The following SMARCA4 variants were observed in gnomAD, a reference collection of about 807,000 sequenced individuals.
The protein encoded by SMARCA4 is SWI/SNF related BAF chromatin remodeling complex subunit ATPase 4.
SMARCA4 carries 31 observed loss-of-function variants against 193.9 expected under a neutral mutation model. That is an observed-to-expected ratio of 0.16 (90% CI 0.12 to 0.22). The LOEUF (loss-of-function observed/expected upper bound fraction) is 0.22. Ranked by LOEUF, SMARCA4 falls within the 10% of genes least tolerant of loss-of-function variation. SMARCA4 has a pLI of 1.00. For synonymous variants in SMARCA4, 942 were observed against 933.1 expected, an observed-to-expected ratio of 1.01 and a Z score of -0.17; for missense variants, 1,148 against 2,296.0, an observed-to-expected ratio of 0.50 and a Z score of 10.22.
chr19:10,975,047 G>C (rs555327324), intron 1 of SMARCA4, among the ~76,000 whole-genome samples: 40 of 141,146 alleles, frequency 2.8e-4, no homozygotes, highest in South Asian at 6.9e-4. Context: ...TTTGAGACAG[G>C]GTCTCTGTCG....
intron 30 of SMARCA4, among the ~76,000 whole-genome samples, chr19:11,055,221 ACT>A (rs963082993): frequency 9.2e-5 from 14 of 151,834 alleles, no homozygotes; most frequent in African/African-American, 2.9e-4. Context: ...ACAGAGTCTC[ACT>A]CTGTCGCCCA....
chr19:11,026,544 G>T (rs899705558), intron 23 of SMARCA4, among the ~76,000 whole-genome samples, 198 bp downstream of exon 23: 13 of 143,716 alleles, frequency 9.0e-5, no homozygotes, highest in African/African-American at 7.7e-5. Flanking sequence ...TTGTTGCCCA[G>T]GCTGGAGTGC....
At chr19:10,989,788 G>A (rs1355041877) in intron 7 of SMARCA4, among the ~76,000 whole-genome samples, 1 of 148,552 alleles carries the variant, frequency 6.7e-6, no homozygotes, top group African/African-American at 2.5e-5. Context: ...TGCAACCAAC[G>A]CCTCCTGGGA....
At position 11,035,150 on chromosome 19, in the gene SMARCA4, C is replaced by T. The variant is rs768191285; in HGVS notation, c.4170+18C>T. 2.1e-5 allele frequency: 33 copies of T among 1,602,582 alleles called. No homozygotes were observed. The highest frequency in any genetic ancestry group is 1.2e-4 in the African/African-American group (9 of 74,648). On this transcript the variant is annotated intron_variant, in intron 29 of 34. Transcript: ENST00000344626. ...GGCTCAAGGTACATGCTGGAGAGGCCCAGCAGCTGCCGCAGGCCAGCGCCA... is the reference window on the plus strand; with the variant it reads ...GGCTCAAGGTACATGCTGGAGAGGCTCAGCAGCTGCCGCAGGCCAGCGCCA...
intron 1 of SMARCA4, among the ~76,000 whole-genome samples, chr19:10,972,339 A>T (rs1283743428): frequency 6.6e-6 from 1 of 150,678 alleles, no homozygotes; most frequent in African/African-American, 2.4e-5. Context: ...CAGGTGATCC[A>T]CCTGCCTCGG....
chr19:10,995,934 G>A, intron 9 of SMARCA4: 1 of 507,362 alleles, frequency 2.0e-6, no homozygotes, highest in Non-Finnish European at 3.7e-6. Flanking sequence ...CGGGTTTGGG[G>A]TGTATTTCGT....
intron 30 of SMARCA4, among the ~76,000 whole-genome samples, chr19:11,051,718 T>C (rs1017644732): frequency 6.6e-6 from 1 of 152,062 alleles, no homozygotes; most frequent in East Asian, 2.0e-4. Context: ...CTCGATCTCT[T>C]GACCTCATGA....
chr19:11,037,648 C>T (rs960832543), intron 29 of SMARCA4, among the ~76,000 whole-genome samples: 2 of 152,176 alleles, frequency 1.3e-5, no homozygotes, highest in Non-Finnish European at 2.9e-5. Context: ...TACTTACAGT[C>T]GATTTTTCTT....
rs2145776403 is a variant in SMARCA4, at chr19:10,986,339, C to T, written c.506C>T (p.Pro169Leu). 6.2e-7 allele frequency: 1 copy of T among 1,613,186 alleles called. No individual in the cohort carries two copies. The highest frequency in any genetic ancestry group is 8.5e-7 in the Non-Finnish European group (1 of 1,179,832). Residue 169 changes from proline (P) to leucine (L), a missense_variant, in exon 4 of 35, where the codon CCA becomes CTA. Pro to Leu is a moderately conservative substitution (Grantham distance 98). This residue lies in a region of SMARCA4 where 201 missense variants were observed against 248.3 expected (regional missense o/e 0.81). Coordinates refer to ENST00000344626, the MANE Select transcript of SMARCA4 (RefSeq NM_003072.5). The surrounding 1 kb of genome is among the most constrained non-coding windows in gnomAD (Gnocchi z 6.7). Reference sequence around the variant, plus strand: ...GCCTTGGGGCAGCAGAACCGGGGCCCAACCCCATTTAACCAGAACCAGCTG... The same window carrying T: ...GCCTTGGGGCAGCAGAACCGGGGCCTAACCCCATTTAACCAGAACCAGCTG... ...PQALGQQNRG[P>L]TPFNQNQLHQ... is the part of the protein sequence containing the mutation.
At chr19:10,999,867 C>T (rs1014158760) in intron 11 of SMARCA4, among the ~76,000 whole-genome samples, 6 of 152,126 alleles carry the variant, frequency 3.9e-5, no homozygotes, top group Admixed American at 3.9e-4. Flanking sequence ...CAGAAGTCTC[C>T]TAGTTAGAGT....
rs61761958 is a variant in SMARCA4 at position 11,041,363 on chromosome 19, A to G, written c.4227A>G (p.Ser1409=). The change falls in exon 30 of 35, where the codon TCA becomes TCG. Residue 1409 remains serine (S), a synonymous_variant. Coordinates refer to ENST00000344626, the MANE Select transcript of SMARCA4 (RefSeq NM_003072.5). This position sits in a 1 kb window ranked among gnomAD's most constrained non-coding sequence, Gnocchi z 5.6. ...EIEEEVRQKK[S]SRKRKRDSDA... is the part of the protein sequence containing the mutation. ...AAGAGGAGGTCCGGCAGAAGAAATC[A>G]TCACGGAAGCGCAAGCGAGACAGCG... 484 of 1,612,760 alleles carry G rather than the reference A, an allele frequency of 3.0e-4. 5 individuals are homozygous for G. In the African/African-American group the frequency reaches 5.4e-3, roughly 18 times the overall value.
rs140328531 is a variant in SMARCA4, at chr19:10,991,248, C to A, written c.1344C>A (p.Arg448=). ...AYKRSKRQSL[R]EARITEKLEK... is the part of the protein sequence containing the mutation. ...AGCGCAGCAAGCGCCAGTCCCTGCG[C>A]GAGGCCCGCATCACTGAGAAGCTGG... Residue 448 remains arginine, a synonymous_variant, in exon 8 of 35, where the codon CGC becomes CGA. Coordinates refer to ENST00000344626, the MANE Select transcript of SMARCA4 (RefSeq NM_003072.5). The A allele has an allele frequency of 9.3e-6, 15 of 1,612,758 alleles. No homozygotes were observed. Among genetic ancestry groups the A allele is most frequent in the Admixed American group, 1.7e-5 (1 of 59,808 alleles).
In SMARCA4 at chr19:10,988,607, G is replaced by T. The variant is rs114528763; in HGVS notation, c.1118+683G>T. Reference sequence around the variant, plus strand: ...CTGCCCCAGGACCTTTGCACAGGCTGTGCATGGCTCCTTCTACTCATTCAG... The same window carrying T: ...CTGCCCCAGGACCTTTGCACAGGCTTTGCATGGCTCCTTCTACTCATTCAG... On this transcript the variant is annotated intron_variant, in intron 6 of 34. Transcript: ENST00000344626. Among the ~76,000 whole-genome samples, 1,240 of 152,294 alleles carry T rather than the reference G, an allele frequency of 8.1e-3. 20 individuals are homozygous for T. Among genetic ancestry groups the T allele is most frequent in the African/African-American group, 0.029 (1,188 of 41,550 alleles).
chr19:10,997,053 T>G (rs919955417), intron 11 of SMARCA4, among the ~76,000 whole-genome samples: 2 of 151,364 alleles, frequency 1.3e-5, no homozygotes, highest in African/African-American at 4.9e-5. Context: ...GGAGTTTTGC[T>G]CTTTTGCCCA....
chr19:10,989,546 G>A, intron 7 of SMARCA4, 103 bp downstream of exon 7: 1 of 1,400,348 alleles, frequency 7.1e-7, no homozygotes, highest in Non-Finnish European at 1.0e-6. Flanking sequence ...ACACCTGCCT[G>A]GGCTGTGAAA....
At chr19:11,061,377 C>A (rs539938769) in intron 34 of SMARCA4, among the ~76,000 whole-genome samples, 85 of 151,536 alleles carry the variant, frequency 5.6e-4, no homozygotes, top group Admixed American at 9.2e-4. Flanking sequence ...CCGAGAGGGC[C>A]GAGTGTGGTC....
chr19:11,009,456 G>T (rs562468701), intron 14 of SMARCA4, among the ~76,000 whole-genome samples: 4 of 152,156 alleles, frequency 2.6e-5, no homozygotes, highest in Non-Finnish European at 5.9e-5. Context: ...TAGAAAGGGT[G>T]GGTTCTATGA....
chr19:10,988,863 A>G (rs887886469), intron 6 of SMARCA4, among the ~76,000 whole-genome samples: 1 of 152,220 alleles, frequency 6.6e-6, no homozygotes, highest in Non-Finnish European at 1.5e-5. Context: ...AAGACTGATT[A>G]AGAGAATTAG....
Position 10,984,024 on chromosome 19 carries a change from A to C in SMARCA4, c.-31-97A>C. 1.1e-6 allele frequency: 1 copy of C among 880,318 alleles called. No homozygotes were observed. Among genetic ancestry groups the C allele is most frequent in the South Asian group, 1.4e-5 (1 of 70,880 alleles). 54.5% of individuals were successfully genotyped at this position (880,318 alleles called of 1,614,324 possible). The stretch of plus-strand genomic sequence containing the variant: ...GGGGAAGGTACTGGCTTCCTGTGGG[A>C]TGTAGATTCTGATGTGACCGTATGA... On this transcript the variant is annotated intron_variant, in intron 1 of 34. Coordinates refer to ENST00000344626, the MANE Select transcript of SMARCA4 (RefSeq NM_003072.5). The surrounding 1 kb of genome is among the most constrained non-coding windows in gnomAD (Gnocchi z 4.3).
Sources: allele counts gnomAD v4.1 joint callset (sites outside exome capture counted in the v4.1 genomes callset), GRCh38; gene constraint gnomAD v4.1.1; regional missense constraint gnomAD v4.1.1; non-coding constraint Gnocchi (gnomAD v3.1); transcripts MANE v1.5; gene names NCBI Gene and HGNC (gene_info 2026-07-23, HGNC 2026-07-21).